Variants in TSPAN18 observed in about 807,000 individuals in gnomAD.
TSPAN18 encodes tetraspanin 18.
Under a neutral mutation model 27.3 loss-of-function variants are expected in TSPAN18, and 14 were observed. The ratio of observed to expected loss-of-function variants is 0.51; its 90% CI spans 0.34 to 0.80. The LOEUF (loss-of-function observed/expected upper bound fraction) is 0.80, where lower values mean the gene tolerates loss of function less well. Among genes scored for constraint, TSPAN18 ranks in the 30% least tolerant of loss-of-function variants. The pLI is 0.01. For synonymous variants in TSPAN18, 143 were observed against 136.5 expected (o/e 1.05, Z -0.33); for missense variants, 268 against 323.9 (o/e 0.83, Z 1.32).
chr11:44,841,930 T>A (rs1857381924), intron 2 of TSPAN18, among the ~76,000 whole-genome samples: 2 of 152,176 alleles, frequency 1.3e-5, no homozygotes, highest in African/African-American at 4.8e-5. Context: ...TGATTTAAAT[T>A]TTAAGAGGTG....
rs1318885396 is a variant in TSPAN18 at position 44,797,031 on chromosome 11, C to G, written c.-153+32519C>G. Reference sequence around the variant, plus strand: ...TTCAGGTATTACAGGACCTGAAATCCTACCTGTGGAGATTTTTTCCTTTGG... The same window carrying G: ...TTCAGGTATTACAGGACCTGAAATCGTACCTGTGGAGATTTTTTCCTTTGG... On this transcript the variant is annotated intron_variant, in intron 2 of 9. Coordinates refer to ENST00000520358, the MANE Select transcript of TSPAN18 (RefSeq NM_130783.5). Among the ~76,000 whole-genome samples the G allele has an allele frequency of 2.0e-5, 3 of 152,246 alleles. No homozygotes were observed. The South Asian group carries it at 6.2e-4, about 32-fold the overall frequency.
At chr11:44,781,717 T>A (rs1250630013) in intron 2 of TSPAN18, among the ~76,000 whole-genome samples, 1 of 152,244 alleles carries the variant, frequency 6.6e-6, no homozygotes, top group Non-Finnish European at 1.5e-5. Context: ...CAGACTTTAC[T>A]GAGGTTATCA....
chr11:44,830,687 C>T (rs1439475558), intron 2 of TSPAN18, among the ~76,000 whole-genome samples: 1 of 152,162 alleles, frequency 6.6e-6, no homozygotes, highest in Non-Finnish European at 1.5e-5. Context: ...AATAAGTAAG[C>T]AAATTCAGTG....
chr11:44,833,099 C>T (rs1057235014), intron 2 of TSPAN18, among the ~76,000 whole-genome samples: 6 of 150,620 alleles, frequency 4.0e-5, no homozygotes, highest in Admixed American at 4.0e-4. Flanking sequence ...TGTCTCCTCA[C>T]TCTGGGCTCC....
intron 3 of TSPAN18, among the ~76,000 whole-genome samples, chr11:44,867,851 A>T (rs1858082240): frequency 6.6e-6 from 1 of 152,174 alleles, no homozygotes; most frequent in Admixed American, 6.5e-5. Flanking sequence ...GGGTGGAGTG[A>T]GCAGAGGAAG....
At chr11:44,864,142 C>G (rs1041267255) in intron 3 of TSPAN18, among the ~76,000 whole-genome samples, 1 of 151,928 alleles carries the variant, frequency 6.6e-6, no homozygotes, top group Admixed American at 6.6e-5. Flanking sequence ...CAAAAATTAG[C>G]CGGGTGTGGT....
chr11:44,803,341 G>A (rs1457052118), intron 2 of TSPAN18, among the ~76,000 whole-genome samples: 1 of 152,064 alleles, frequency 6.6e-6, no homozygotes. Flanking sequence ...GCATGGGTTG[G>A]GGGGGCATTT....
At chr11:44,763,089 T>C (rs1855490379) in intron 1 of TSPAN18, among the ~76,000 whole-genome samples, 1 of 152,208 alleles carries the variant, frequency 6.6e-6, no homozygotes. Context: ...CTCACAGTCC[T>C]CATTCCTGAA....
intron 2 of TSPAN18, among the ~76,000 whole-genome samples, chr11:44,802,652 G>A (rs1770187934): frequency 7.7e-6 from 1 of 129,642 alleles, no homozygotes. Flanking sequence ...CTGGCAGGGT[G>A]GGCTCAAGAA....
intron 3 of TSPAN18, among the ~76,000 whole-genome samples, chr11:44,867,695 G>T (rs974873387): frequency 6.6e-6 from 1 of 152,046 alleles, no homozygotes; most frequent in African/African-American, 2.4e-5. Flanking sequence ...CACCACACCC[G>T]GCTCGTTTAT....
intron 2 of TSPAN18, among the ~76,000 whole-genome samples, chr11:44,847,026 C>A (rs1185556661): frequency 2.0e-5 from 3 of 152,194 alleles, no homozygotes; most frequent in African/African-American, 7.2e-5. Context: ...GAAGCACTAA[C>A]TTCAGCAGGA....
chr11:44,776,600 CCTT>C (rs1855814500), intron 2 of TSPAN18, among the ~76,000 whole-genome samples: 1 of 152,092 alleles, frequency 6.6e-6, no homozygotes, highest in African/African-American at 2.4e-5. Flanking sequence ...GCTCTGCCGT[CCTT>C]CTTCTGAGTG....
chr11:44,798,791 G>T (rs1398190432), intron 2 of TSPAN18, among the ~76,000 whole-genome samples: 1 of 152,194 alleles, frequency 6.6e-6, no homozygotes, highest in Non-Finnish European at 1.5e-5. Context: ...GAGAGGGAGG[G>T]TTTAGAGTTT....
At position 44,798,126 on chromosome 11, in the gene TSPAN18, C is replaced by T. The variant is rs557062139; in HGVS notation, c.-153+33614C>T. ...CCCTCCTGTGTGCTCAGTGGCTGGC[C>T]GTCCCTGAAGAGGGTCAGAGAGGCC... is the stretch of plus-strand genomic sequence containing the variant. On this transcript the variant is annotated intron_variant, in intron 2 of 9. Transcript: ENST00000520358. Among the ~76,000 whole-genome samples, 17 of 152,276 alleles carry T rather than the reference C, an allele frequency of 1.1e-4. No individual in the cohort carries two copies. The East Asian group carries it at 2.3e-3, about 21-fold the overall frequency.
At chr11:44,819,111 G>A (rs1856873579) in intron 2 of TSPAN18, among the ~76,000 whole-genome samples, 1 of 152,212 alleles carries the variant, frequency 6.6e-6, no homozygotes, top group Admixed American at 6.5e-5. Context: ...TGGATCTGGG[G>A]AAGGAGTCAG....
chr11:44,925,176 T>C (rs1220587233), intron 8 of TSPAN18, among the ~76,000 whole-genome samples: 2 of 152,220 alleles, frequency 1.3e-5, no homozygotes, highest in Non-Finnish European at 2.9e-5. Flanking sequence ...GCTTGAGGTC[T>C]TTCAAAGCCT....
chr11:44,750,152 G>A (rs924040920), intron 1 of TSPAN18, among the ~76,000 whole-genome samples: 4 of 152,336 alleles, frequency 2.6e-5, no homozygotes, highest in Middle Eastern at 6.8e-3. Context: ...CCTGAAGCAG[G>A]CACTCAGTTA....
At chr11:44,851,503 G>A (rs1857599570) in intron 2 of TSPAN18, among the ~76,000 whole-genome samples, 1 of 151,972 alleles carries the variant, frequency 6.6e-6, no homozygotes, top group Non-Finnish European at 1.5e-5. Context: ...CAAAGATCAA[G>A]GTTTGAACAT....
chr11:44,798,884 C>G (rs1856411113), intron 2 of TSPAN18, among the ~76,000 whole-genome samples: 1 of 152,082 alleles, frequency 6.6e-6, no homozygotes. Flanking sequence ...TTTTGTTTTT[C>G]TTGTCTTCCA....
Sources: gnomAD v4.1 joint callset for allele counts (sites outside exome capture counted in the v4.1 genomes callset) on GRCh38, gnomAD v4.1.1 for gene constraint, MANE v1.5 for transcripts, NCBI Gene and HGNC (gene_info 2026-07-23, HGNC 2026-07-21) for gene names.